STX18: variants seen among roughly 807,000 people sequenced by gnomAD.
STX18 encodes the protein syntaxin 18, also known as syntaxin-18.
STX18 carries 40 observed loss-of-function variants against 50.1 expected under a neutral mutation model. The ratio of observed to expected loss-of-function variants is 0.80; its 90% confidence interval spans 0.62 to 1.04. The LOEUF (loss-of-function observed/expected upper bound fraction) is 1.04. Ranked by LOEUF, STX18 falls within the 50% of genes least tolerant of loss-of-function variation. The pLI is 0.00. For missense variants in STX18, 410 were observed against 415.8 expected, an observed-to-expected ratio of 0.99 and a Z score of 0.12; for synonymous variants, 158 against 151.8, an observed-to-expected ratio of 1.04 and a Z score of -0.30.
chr4:4,520,870 A>G (rs986094330), intron 1 of STX18, among the ~76,000 whole-genome samples: 19 of 152,250 alleles, frequency 1.2e-4, no homozygotes, highest in African/African-American at 4.6e-4. Flanking sequence ...TTCAGAAAAC[A>G]TAAGATGTCC....
upstream of STX18, chr4:4,542,117 T>G: frequency 9.9e-7 from 1 of 1,010,664 alleles, no homozygotes; most frequent in African/African-American, 1.7e-5. Context: ...TGCGCCCTGC[T>G]ACCGCGGCGG....
At chr4:4,490,006 T>C (rs1217884356) in intron 1 of STX18, among the ~76,000 whole-genome samples, 1 of 152,186 alleles carries the variant, frequency 6.6e-6, no homozygotes, top group Non-Finnish European at 1.5e-5. Context: ...ATTAATTAGG[T>C]AAAGCATTTG....
At chr4:4,504,282 T>A (rs1243460173) in intron 1 of STX18, among the ~76,000 whole-genome samples, 1 of 152,150 alleles carries the variant, frequency 6.6e-6, no homozygotes, top group Admixed American at 6.6e-5. Context: ...AAGGGAGTGT[T>A]TTAATCAGGA....
At chr4:4,530,489 T>G (rs1400971265) in intron 1 of STX18, among the ~76,000 whole-genome samples, 1 of 152,096 alleles carries the variant, frequency 6.6e-6, no homozygotes, top group African/African-American at 2.4e-5. Flanking sequence ...AGTGTCTCTA[T>G]GTAAGGTACT....
rs116028113 is a variant in STX18, at chr4:4,423,259, C to T, written c.831+259G>A. Among the ~76,000 whole-genome samples the T allele has an allele frequency of 3.2e-3, 485 of 152,350 alleles. 4 individuals carry two copies. The highest frequency in any genetic ancestry group is 0.011 in the African/African-American group (444 of 41,592). The stretch of plus-strand genomic sequence containing the variant: ...CTGCCAGGCCTGGACTCTCCTCCCA[C>T]GTGCCACCGCATGTGCTACCACATG... On this transcript the variant is annotated intron_variant, in intron 9 of 10. Transcript: ENST00000306200.
At chr4:4,511,828 A>G (rs1472485516) in intron 1 of STX18, among the ~76,000 whole-genome samples, 1 of 151,356 alleles carries the variant, frequency 6.6e-6, no homozygotes, top group Non-Finnish European at 1.5e-5. Flanking sequence ...ACAGAAGGAG[A>G]GGAGATTTGA....
chr4:4,449,992 G>C (rs1405063333), intron 5 of STX18, among the ~76,000 whole-genome samples: 1 of 152,150 alleles, frequency 6.6e-6, no homozygotes, highest in Non-Finnish European at 1.5e-5. Flanking sequence ...TCCAGTTTAA[G>C]AATCAGCCAT....
chr4:4,482,159 T>C (rs1176761210), intron 1 of STX18, among the ~76,000 whole-genome samples: 3 of 152,172 alleles, frequency 2.0e-5, no homozygotes, highest in African/African-American at 4.8e-5. Flanking sequence ...CTCTCTGCCT[T>C]TGTTAATCTC....
chr4:4,451,471 T>G (rs938361779), intron 5 of STX18, among the ~76,000 whole-genome samples: 5 of 152,222 alleles, frequency 3.3e-5, no homozygotes, highest in Non-Finnish European at 7.3e-5. Context: ...TTTTGTTTGT[T>G]TTTACAAATG....
At position 4,421,029 on chromosome 4, in the gene STX18, A is replaced by T. The variant is rs80225626; in HGVS notation, c.832-85T>A. The T allele has an allele frequency of 3.7e-6, 5 of 1,339,316 alleles. No homozygotes were observed. In the Admixed American group the frequency reaches 6.8e-5, roughly 18 times the overall value. The allele number at this position is 1,339,316 out of a possible 1,614,324, so 83.0% of individuals were successfully genotyped here. Reference sequence around the variant, plus strand: ...AATGCTCCAACGAGCATTTCCTTTGAGTGTCATGTCAGCGCTCAGAAAGTT... The same window carrying T: ...AATGCTCCAACGAGCATTTCCTTTGTGTGTCATGTCAGCGCTCAGAAAGTT... On this transcript the variant is annotated intron_variant, in intron 9 of 10. Coordinates refer to ENST00000306200, the MANE Select transcript of STX18 (RefSeq NM_016930.4).
At chr4:4,422,057 G>C (rs948427985) in intron 9 of STX18, among the ~76,000 whole-genome samples, 3 of 152,124 alleles carry the variant, frequency 2.0e-5, no homozygotes, top group Admixed American at 2.0e-4. Context: ...AGAGAAACCT[G>C]ACTGACACAT....
intron 1 of STX18, among the ~76,000 whole-genome samples, chr4:4,474,179 T>A (rs148555632): frequency 7.2e-5 from 11 of 152,148 alleles, no homozygotes; most frequent in African/African-American, 2.7e-4. Context: ...CCAGCTGCAG[T>A]CAGATCCCAT....
At chr4:4,460,674 T>A (rs947428080) in intron 2 of STX18, among the ~76,000 whole-genome samples, 2 of 152,158 alleles carry the variant, frequency 1.3e-5, no homozygotes, top group African/African-American at 4.8e-5. Flanking sequence ...GAATAGATGA[T>A]CCTCTCTCAG....
chr4:4,464,235 T>G (rs1417594778), intron 2 of STX18, among the ~76,000 whole-genome samples: 1 of 152,178 alleles, frequency 6.6e-6, no homozygotes, highest in Non-Finnish European at 1.5e-5. Flanking sequence ...CTAAAGCCAG[T>G]GCAAATGGAG....
intron 3 of STX18, among the ~76,000 whole-genome samples, chr4:4,459,062 G>GCACGCACACACACACA (rs1553837175): frequency 1.4e-5 from 2 of 144,392 alleles, no homozygotes; most frequent in Non-Finnish European, 3.1e-5. Context: ...ACACACACAC[G>GCACGCACACACACACA]CACACACACA....
At position 4,425,204 on chromosome 4, in the gene STX18, G is replaced by T; in HGVS notation, c.721C>A (p.Arg241=). 1.9e-6 allele frequency: 3 copies of T among 1,614,012 alleles called. No homozygotes were observed. The highest frequency in any genetic ancestry group is 2.5e-6 in the Non-Finnish European group (3 of 1,179,932). ...AAGCTGTTCATTTCACCAATTAGTC[G>T]CTGATTTTCCTGTTCAAACTGTGAG... ...EIQMFEQENQ[R]LIGEMNSLFD... The change falls in exon 8 of 11, where the codon CGA becomes AGA. Residue 241 remains arginine (R), a synonymous_variant. Transcript: ENST00000306200.
At chr4:4,449,089 C>T (rs1339059417) in intron 5 of STX18, among the ~76,000 whole-genome samples, 1 of 144,988 alleles carries the variant, frequency 6.9e-6, no homozygotes, top group African/African-American at 2.6e-5. Flanking sequence ...CTCTGTTGTC[C>T]AGGCTAGAGT....
chr4:4,477,228 C>T (rs982287719), intron 1 of STX18, among the ~76,000 whole-genome samples: 2 of 151,978 alleles, frequency 1.3e-5, no homozygotes, highest in Non-Finnish European at 2.9e-5. Context: ...GGTGACAGAG[C>T]GAGACTCGGT....
chr4:4,524,336 AC>A (rs2108910586), intron 1 of STX18, among the ~76,000 whole-genome samples: 1 of 152,346 alleles, frequency 6.6e-6, no homozygotes, highest in East Asian at 1.9e-4. Flanking sequence ...TCCTTTGGAA[AC>A]AATTCGTCCC....
Sources: gnomAD v4.1 joint callset for allele counts (sites outside exome capture counted in the v4.1 genomes callset) on GRCh38, gnomAD v4.1.1 for gene constraint, MANE v1.5 for transcripts, NCBI Gene and HGNC (gene_info 2026-07-23, HGNC 2026-07-21) for gene names.